Variants in HS3ST4 observed in about 807,000 individuals in gnomAD.
HS3ST4 encodes heparan sulfate-glucosamine 3-sulfotransferase 4.
Under a neutral mutation model 29.2 loss-of-function variants are expected in HS3ST4, and 17 were observed. That is an observed-to-expected ratio of 0.58 (90% CI 0.40 to 0.87). The LOEUF is 0.87. Ranked by LOEUF, HS3ST4 falls within the 40% of genes least tolerant of loss-of-function variation. HS3ST4 has a pLI of 0.00. For missense variants in HS3ST4, 627 were observed against 634.5 expected (o/e 0.99, Z 0.13); for synonymous variants, 314 against 285.7 (o/e 1.10, Z -1.00).
intron 1 of HS3ST4, among the ~76,000 whole-genome samples, chr16:25,845,152 C>T: frequency 6.6e-6 from 1 of 152,062 alleles, no homozygotes; most frequent in East Asian, 1.9e-4. Context: ...CATGGCACAC[C>T]TTTGTTACCT....
chr16:26,065,793 A>C (rs1898535333), intron 1 of HS3ST4, among the ~76,000 whole-genome samples: 2 of 152,208 alleles, frequency 1.3e-5, no homozygotes, highest in Admixed American at 1.3e-4. Context: ...ACACCAGCCT[A>C]GTCACAGGAG....
chr16:25,696,963 A>G (rs939407976), intron 1 of HS3ST4, among the ~76,000 whole-genome samples: 2 of 152,136 alleles, frequency 1.3e-5, no homozygotes, highest in African/African-American at 4.8e-5. Flanking sequence ...CGAGAGGGTA[A>G]ATGATTAACT....
At chr16:25,912,631 A>G (rs999801241) in intron 1 of HS3ST4, among the ~76,000 whole-genome samples, 1 of 152,188 alleles carries the variant, frequency 6.6e-6, no homozygotes, top group African/African-American at 2.4e-5. Context: ...CCTCACTGCC[A>G]ATTTCTGTGC....
chr16:25,723,716 A>G (rs186997747), intron 1 of HS3ST4, among the ~76,000 whole-genome samples: 133 of 152,334 alleles, frequency 8.7e-4, no homozygotes, highest in African/African-American at 3.1e-3. Flanking sequence ...GTGATTTACT[A>G]CTGTTCTCCA....
At chr16:26,016,466 T>C (rs1040490052) in intron 1 of HS3ST4, among the ~76,000 whole-genome samples, 2 of 152,196 alleles carry the variant, frequency 1.3e-5, no homozygotes, top group African/African-American at 4.8e-5. Flanking sequence ...ATGTTTCCAT[T>C]TGGCTAATAT....
intron 1 of HS3ST4, among the ~76,000 whole-genome samples, chr16:25,695,871 TG>T (rs1759936079): frequency 6.6e-6 from 1 of 152,046 alleles, no homozygotes; most frequent in Admixed American, 6.6e-5. Context: ...ATTCTGCACA[TG>T]TTTCTGGTTT....
chr16:25,922,469 A>G (rs1968363508), intron 1 of HS3ST4, among the ~76,000 whole-genome samples: 1 of 152,202 alleles, frequency 6.6e-6, no homozygotes, highest in Non-Finnish European at 1.5e-5. Flanking sequence ...ACTGTGAGAA[A>G]TACATTTCTA....
chr16:26,077,136 T>TGGCTGTTCACTGGGCC (rs1267162593), intron 1 of HS3ST4, among the ~76,000 whole-genome samples: 2 of 152,242 alleles, frequency 1.3e-5, no homozygotes, highest in Non-Finnish European at 2.9e-5. Flanking sequence ...GCCACTGGTC[T>TGGCTGTTCACTGGGCC]GGCTGTTCAC....
intron 1 of HS3ST4, among the ~76,000 whole-genome samples, chr16:25,956,341 G>A (rs1489601168): frequency 6.6e-6 from 1 of 152,132 alleles, no homozygotes; most frequent in East Asian, 1.9e-4. Flanking sequence ...GCCCATGTTG[G>A]TAACCTACCC....
intron 1 of HS3ST4, among the ~76,000 whole-genome samples, chr16:25,820,953 G>A (rs1426401464): frequency 1.3e-5 from 2 of 152,030 alleles, no homozygotes; most frequent in Middle Eastern, 3.4e-3. Flanking sequence ...TGAATGAAGA[G>A]TTTACTCATT....
At chr16:26,012,040 AATG>A (rs1969315948) in intron 1 of HS3ST4, among the ~76,000 whole-genome samples, 2 of 152,190 alleles carry the variant, frequency 1.3e-5, no homozygotes, top group African/African-American at 4.8e-5. Context: ...ATAATCGATT[AATG>A]CTCCTTTAAT....
chr16:25,704,841 C>A (rs2141582205), intron 1 of HS3ST4, among the ~76,000 whole-genome samples: 1 of 149,340 alleles, frequency 6.7e-6, no homozygotes, highest in South Asian at 2.1e-4. Context: ...ATCATGCCAT[C>A]ACACTCCAGC....
At chr16:25,948,704 C>G (rs1326758445) in intron 1 of HS3ST4, among the ~76,000 whole-genome samples, 1 of 152,114 alleles carries the variant, frequency 6.6e-6, no homozygotes, top group Non-Finnish European at 1.5e-5. Flanking sequence ...GCCACTATCA[C>G]CTAGTTTCTT....
intron 1 of HS3ST4, among the ~76,000 whole-genome samples, chr16:26,126,536 A>T (rs1320613292): frequency 1.3e-5 from 2 of 152,234 alleles, no homozygotes; most frequent in Non-Finnish European, 2.9e-5. Context: ...CAGGCTAAGT[A>T]ACTTGCCCAA....
chr16:25,889,919 C>G (rs547299219), intron 1 of HS3ST4, among the ~76,000 whole-genome samples: 16 of 152,246 alleles, frequency 1.1e-4, no homozygotes, highest in African/African-American at 3.4e-4. Context: ...CTCTCTCTCT[C>G]TCTCTTGCCT....
chr16:25,785,434 CTTG>C (rs1029494012), intron 1 of HS3ST4, among the ~76,000 whole-genome samples: 60 of 152,300 alleles, frequency 3.9e-4, no homozygotes, highest in African/African-American at 1.3e-3. Flanking sequence ...CACACCATCT[CTTG>C]TTGTCTGTTA....
At chr16:25,857,974 C>CTTTCTTTCTTTCTT (rs1567257236) in intron 1 of HS3ST4, among the ~76,000 whole-genome samples, 3 of 20,704 alleles carry the variant, frequency 1.4e-4, no homozygotes, top group African/African-American at 8.8e-4. Context: ...CTTTCTTTCT[C>CTTTCTTTCTTTCTT]TTTTCTGTCT....
Position 25,769,485 on chromosome 16 carries a change from C to T in HS3ST4, c.734+76334C>T, listed in dbSNP as rs559297548. Among the ~76,000 whole-genome samples, 6 of 152,226 alleles carry T rather than the reference C, an allele frequency of 3.9e-5. No homozygotes were observed. In the East Asian group the frequency reaches 5.8e-4, roughly 15 times the overall value. On this transcript the variant is annotated intron_variant, in intron 1 of 1. Transcript: ENST00000331351. ...GTGGCTGTCCATCTAGGCATTTTAC[C>T]TGTTGTTTGCCTGTCACAATAGTTT...
At chr16:25,941,969 C>T (rs189738758) in intron 1 of HS3ST4, among the ~76,000 whole-genome samples, 127 of 152,252 alleles carry the variant, frequency 8.3e-4, no homozygotes, top group African/African-American at 2.8e-3. Context: ...TCAGTTATGA[C>T]GCATGATAGG....
Sources: gnomAD v4.1 joint callset for allele counts (sites outside exome capture counted in the v4.1 genomes callset) on GRCh38, gnomAD v4.1.1 for gene constraint, MANE v1.5 for transcripts, NCBI Gene and HGNC (gene_info 2026-07-23, HGNC 2026-07-21) for gene names.